The following AKAP19 variants were observed in gnomAD, a reference collection of about 807,000 sequenced individuals.
AKAP19 encodes the protein A-kinase anchoring protein 19, also known as small A-kinase anchoring protein.
At chr2:189,886,993 T>C in the AKAP19 span, among the ~76,000 whole-genome samples, 1 of 152,102 alleles carries the variant, frequency 6.6e-6, no homozygotes. Context: ...TTTTTTTAAA[T>C]TTTTTTTATT....
chr2:190,066,840 T>C, the AKAP19 span, among the ~76,000 whole-genome samples: 1 of 152,208 alleles, frequency 6.6e-6, no homozygotes. Context: ...TGTATTAGTT[T>C]ATGAAATATT....
At chr2:190,184,004 T>A in the AKAP19 span, among the ~76,000 whole-genome samples, 2 of 152,128 alleles carry the variant, frequency 1.3e-5, no homozygotes, top group East Asian at 3.9e-4. Context: ...ATAGTAAGTA[T>A]ACTATGCACA....
At chr2:190,201,383 C>G in the AKAP19 span, 1 of 166,858 alleles carries the variant, frequency 6.0e-6, no homozygotes, top group African/African-American at 2.4e-5. Context: ...ATTAAGACTT[C>G]AGTTTCTAGA....
chr2:190,173,307 G>A, the AKAP19 span, among the ~76,000 whole-genome samples: 6,113 of 152,132 alleles, frequency 0.04, 402 homozygotes, highest in African/African-American at 0.14. Flanking sequence ...AGTTTCTTAT[G>A]TTGAATTATC....
At chr2:189,975,918 T>C in the AKAP19 span, among the ~76,000 whole-genome samples, 4 of 152,208 alleles carry the variant, frequency 2.6e-5, no homozygotes, top group Non-Finnish European at 5.9e-5. Context: ...CTTCTTTGTG[T>C]TGGGTTCAGA....
At chr2:190,122,621 A>T in the AKAP19 span, among the ~76,000 whole-genome samples, 3 of 152,210 alleles carry the variant, frequency 2.0e-5, no homozygotes, top group Non-Finnish European at 4.4e-5. Flanking sequence ...TCTAAATGTC[A>T]TTCTCATTCT....
the AKAP19 span, among the ~76,000 whole-genome samples, chr2:189,969,512 C>A: frequency 6.6e-6 from 1 of 151,872 alleles, no homozygotes; most frequent in Non-Finnish European, 1.5e-5. Context: ...GGGTGGATCA[C>A]GAGGCCAGGA....
the AKAP19 span, among the ~76,000 whole-genome samples, chr2:189,952,730 A>G: frequency 6.6e-6 from 1 of 152,218 alleles, no homozygotes; most frequent in African/African-American, 2.4e-5. Context: ...ATTACATGTG[A>G]CGTATCCTTT....
chr2:189,958,908 T>C, the AKAP19 span, among the ~76,000 whole-genome samples: 1 of 152,020 alleles, frequency 6.6e-6, no homozygotes, highest in African/African-American at 2.4e-5. Context: ...AAAGTAAACA[T>C]AAGTTGAGCT....
At chr2:190,131,954 G>T in the AKAP19 span, among the ~76,000 whole-genome samples, 2 of 151,960 alleles carry the variant, frequency 1.3e-5, no homozygotes, top group Non-Finnish European at 2.9e-5. Flanking sequence ...AAAAAAATTT[G>T]CACTAAAAAA....
chr2:190,066,144 G>A, the AKAP19 span, among the ~76,000 whole-genome samples: 2 of 152,134 alleles, frequency 1.3e-5, no homozygotes, highest in African/African-American at 2.4e-5. Context: ...GGTAGTTAAG[G>A]CAGTATCTCA....
At chr2:190,030,493 C>A in the AKAP19 span, among the ~76,000 whole-genome samples, 2 of 152,060 alleles carry the variant, frequency 1.3e-5, no homozygotes, top group Non-Finnish European at 2.9e-5. Flanking sequence ...CTTGGTGTGC[C>A]CGTGTTTTGC....
the AKAP19 span, among the ~76,000 whole-genome samples, chr2:190,198,237 T>G: frequency 6.6e-6 from 1 of 152,186 alleles, no homozygotes; most frequent in Admixed American, 6.5e-5. Context: ...TGGGTAGAAT[T>G]TATAGAATAA....
At chr2:190,197,898 A>T in the AKAP19 span, among the ~76,000 whole-genome samples, 1 of 152,204 alleles carries the variant, frequency 6.6e-6, no homozygotes, top group South Asian at 2.1e-4. The surrounding 1 kb of genome is among the most constrained non-coding windows in gnomAD (Gnocchi z 4.0). Flanking sequence ...TATTTATCTG[A>T]CACTCATTGA....
At chr2:190,040,854 C>T in the AKAP19 span, among the ~76,000 whole-genome samples, 1 of 151,972 alleles carries the variant, frequency 6.6e-6, no homozygotes, top group African/African-American at 2.4e-5. Context: ...TATTTCTGGG[C>T]TCTCTATTCT....
At chr2:189,883,518 T>C in the AKAP19 span, among the ~76,000 whole-genome samples, 1 of 151,466 alleles carries the variant, frequency 6.6e-6, no homozygotes, top group Non-Finnish European at 1.5e-5. Flanking sequence ...TTTTTTTTTT[T>C]TTTTTTTGAG....
At chr2:190,107,415 C>T in the AKAP19 span, among the ~76,000 whole-genome samples, 4 of 151,574 alleles carry the variant, frequency 2.6e-5, no homozygotes, top group African/African-American at 9.8e-5. Context: ...AGTTGTGATT[C>T]CAGTATTTTT....
the AKAP19 span, among the ~76,000 whole-genome samples, chr2:190,116,871 C>T: frequency 6.6e-6 from 1 of 152,258 alleles, no homozygotes; most frequent in African/African-American, 2.4e-5. Flanking sequence ...AGACCCATCA[C>T]CCTACTCTAC....
chr2:190,054,770 A>T, the AKAP19 span, among the ~76,000 whole-genome samples: 1 of 152,216 alleles, frequency 6.6e-6, no homozygotes, highest in African/African-American at 2.4e-5. Context: ...AATCAAAACC[A>T]CAATGAGATA....
Sources: allele counts gnomAD v4.1 joint callset (sites outside exome capture counted in the v4.1 genomes callset), GRCh38; gene constraint gnomAD v4.1.1; non-coding constraint Gnocchi (gnomAD v3.1); transcripts MANE v1.5; gene names NCBI Gene and HGNC (gene_info 2026-07-23, HGNC 2026-07-21).